Variants in FUT9 observed in about 807,000 individuals in gnomAD.
FUT9 encodes the protein 4-galactosyl-N-acetylglucosaminide 3-alpha-L-fucosyltransferase 9.
FUT9 carries 15 observed loss-of-function variants against 29.7 expected under a neutral mutation model. That is an observed-to-expected ratio of 0.51 (90% CI 0.34 to 0.78). The LOEUF is 0.78. Among genes scored for constraint, FUT9 ranks in the 30% least tolerant of loss-of-function variants. The pLI is 0.01. For missense variants in FUT9, 319 were observed against 425.4 expected (o/e 0.75, Z 2.20); for synonymous variants, 169 against 153.7 (o/e 1.10, Z -0.74).
chr6:96,163,217 G>A (rs955080843), intron 2 of FUT9, among the ~76,000 whole-genome samples: 69 of 150,818 alleles, frequency 4.6e-4, no homozygotes, highest in Admixed American at 3.6e-3. Context: ...AAAGAAAAGT[G>A]ATTAATTACA....
chr6:96,077,610 G>A (rs1771160334), intron 1 of FUT9, among the ~76,000 whole-genome samples: 1 of 152,094 alleles, frequency 6.6e-6, no homozygotes, highest in Non-Finnish European at 1.5e-5. Flanking sequence ...GTCTCAGCAA[G>A]CAGTGATCAT....
At chr6:96,117,151 A>G (rs373757020) in intron 2 of FUT9, among the ~76,000 whole-genome samples, 7 of 152,334 alleles carry the variant, frequency 4.6e-5, no homozygotes, top group South Asian at 2.1e-4. Context: ...AAAAAGAACT[A>G]TACATAGACA....
intron 2 of FUT9, among the ~76,000 whole-genome samples, chr6:96,169,523 G>GT (rs1773073637): frequency 6.6e-6 from 1 of 152,090 alleles, no homozygotes; most frequent in Non-Finnish European, 1.5e-5. Context: ...TGCTAATAGT[G>GT]TTTTGTTTTT....
chr6:96,041,495 A>T (rs1322545059), intron 1 of FUT9, among the ~76,000 whole-genome samples: 1 of 152,164 alleles, frequency 6.6e-6, no homozygotes, highest in African/African-American at 2.4e-5. Context: ...TCCTTCCAAC[A>T]TCCCATTTCT....
Position 96,082,295 on chromosome 6 carries a change from T to C in FUT9, c.-97-31744T>C, listed in dbSNP as rs1771249986. 2.6e-5 allele frequency among the ~76,000 whole-genome samples: 4 copies of C among 151,838 alleles called. No individual in the cohort carries two copies. In the South Asian group the frequency reaches 6.2e-4, roughly 24 times the overall value. ...AAGCTTTTAAAATTTGCCTTTCACA[T>C]TGAAATATTTAATACCTCTTAAAAC... On this transcript the variant is annotated intron_variant, in intron 1 of 2. Coordinates refer to ENST00000302103, the MANE Select transcript of FUT9 (RefSeq NM_006581.4).
chr6:96,196,393 G>A (rs1288279700), intron 2 of FUT9, among the ~76,000 whole-genome samples: 2 of 152,028 alleles, frequency 1.3e-5, no homozygotes, highest in Admixed American at 6.6e-5. Context: ...AATGTGATTG[G>A]GCAAAAATGA....
At chr6:96,032,406 G>A (rs1029587501) in intron 1 of FUT9, among the ~76,000 whole-genome samples, 8 of 150,874 alleles carry the variant, frequency 5.3e-5, no homozygotes, top group South Asian at 2.1e-4. Flanking sequence ...AATTTTTTTC[G>A]CATAATACAT....
intron 2 of FUT9, among the ~76,000 whole-genome samples, chr6:96,178,265 G>C (rs941903933): frequency 1.1e-4 from 17 of 152,188 alleles, no homozygotes; most frequent in African/African-American, 3.9e-4. Flanking sequence ...TAACCCACTT[G>C]ATGAATTCAA....
chr6:96,140,574 C>T lies in FUT9; in HGVS notation c.-9+26447C>T, dbSNP rs988598509. 3.9e-5 allele frequency among the ~76,000 whole-genome samples: 6 copies of T among 152,298 alleles called. No individual in the cohort carries two copies. In the East Asian group the frequency reaches 7.7e-4, roughly 20 times the overall value. On this transcript the variant is annotated intron_variant, in intron 2 of 2. Transcript: ENST00000302103. ...TATAAAGAAAAAGAGGTTTAATTGA[C>T]TTACAGTTCCACATGGCTGGGGAGG...
At position 96,150,364 on chromosome 6, in the gene FUT9, A is replaced by G. The variant is rs541084138; in HGVS notation, c.-9+36237A>G. 2.8e-3 allele frequency among the ~76,000 whole-genome samples: 433 copies of G among 152,248 alleles called. 3 individuals carry two copies. Among genetic ancestry groups the G allele is most frequent in the Non-Finnish European group, 3.4e-3 (233 of 68,012 alleles). ...GCGTGATGAATCCAGCATTCCGAGG[A>G]AAAAGGAAAAGGAGAAGGAGGTGTG... On this transcript the variant is annotated intron_variant, in intron 2 of 2. Transcript: ENST00000302103.
chr6:96,164,782 A>C (rs901632806), intron 2 of FUT9, among the ~76,000 whole-genome samples: 1 of 152,168 alleles, frequency 6.6e-6, no homozygotes, highest in Non-Finnish European at 1.5e-5. Flanking sequence ...GGAGGGATCC[A>C]TTCAGTTGGT....
intron 1 of FUT9, among the ~76,000 whole-genome samples, chr6:96,070,264 T>C (rs1317940253): frequency 6.6e-6 from 1 of 152,142 alleles, no homozygotes; most frequent in East Asian, 1.9e-4. Flanking sequence ...TTGAACAACA[T>C]TGAAATACAG....
intron 1 of FUT9, among the ~76,000 whole-genome samples, chr6:96,064,901 T>C (rs1770937323): frequency 6.6e-6 from 1 of 152,218 alleles, no homozygotes; most frequent in Non-Finnish European, 1.5e-5. Flanking sequence ...AATTATTTTA[T>C]GTGTATGAAG....
chr6:96,201,827 T>C (rs777395383), intron 2 of FUT9, among the ~76,000 whole-genome samples: 3 of 151,112 alleles, frequency 2.0e-5, no homozygotes, highest in Non-Finnish European at 2.9e-5. Context: ...GTTCTGGGAG[T>C]GATCTAGAAT....
intron 2 of FUT9, among the ~76,000 whole-genome samples, chr6:96,161,784 G>A (rs11156253): frequency 0.16 from 24,108 of 152,168 alleles, 2,114 homozygotes; most frequent in African/African-American, 0.19. Flanking sequence ...GTGAATGCCA[G>A]ATATCCAAAA....
At chr6:96,111,271 A>G (rs1771801355) in intron 1 of FUT9, among the ~76,000 whole-genome samples, 1 of 152,144 alleles carries the variant, frequency 6.6e-6, no homozygotes, top group Non-Finnish European at 1.5e-5. Flanking sequence ...ACCCCACGGC[A>G]GGCAGATGCC....
intron 2 of FUT9, among the ~76,000 whole-genome samples, chr6:96,128,699 G>T (rs773414522): frequency 6.6e-6 from 1 of 151,980 alleles, no homozygotes; most frequent in African/African-American, 2.4e-5. Flanking sequence ...AATTTAGAAT[G>T]ACAAAGTATT....
chr6:96,203,898 T>C lies in FUT9; in HGVS notation c.743T>C (p.Ile248Thr), dbSNP rs1224610044. The C allele has an allele frequency of 1.2e-6, 2 of 1,612,682 alleles. No homozygotes were observed. Among genetic ancestry groups the C allele is most frequent in the African/African-American group, 2.7e-5 (2 of 75,010 alleles). The change falls in exon 3 of 3, where the codon ATC becomes ACC. Residue 248 changes from isoleucine (I) to threonine (T), a missense_variant. Transcript: ENST00000302103. The stretch of plus-strand genomic sequence containing the variant: ...TTTTATCTTTCCTTTGAAAATTCAA[T>C]CCACAAGGATTACATCACGGAAAAG... The part of the protein sequence containing the change: ...CKFYLSFENS[I>T]HKDYITEKLY...
At chr6:96,070,818 A>T (rs990983529) in intron 1 of FUT9, among the ~76,000 whole-genome samples, 6 of 152,190 alleles carry the variant, frequency 3.9e-5, no homozygotes, top group Admixed American at 3.3e-4. Flanking sequence ...GTATATGTAT[A>T]TGTATAATAT....
Sources: gnomAD v4.1 joint callset for allele counts (sites outside exome capture counted in the v4.1 genomes callset) on GRCh38, gnomAD v4.1.1 for gene constraint, MANE v1.5 for transcripts, NCBI Gene and HGNC (gene_info 2026-07-23, HGNC 2026-07-21) for gene names.